GLRA3: variants seen among roughly 807,000 people sequenced by gnomAD.
GLRA3 encodes the protein glycine receptor subunit alpha-3.
In GLRA3, 44 loss-of-function variants were observed where a neutral mutation model predicts 60.4. That is an observed-to-expected ratio of 0.73 (90% CI 0.57 to 0.94). The LOEUF is 0.94. Among genes scored for constraint, GLRA3 ranks in the 40% least tolerant of loss-of-function variants. GLRA3 has a pLI of 0.00. For synonymous variants in GLRA3, 223 were observed against 192.9 expected, an observed-to-expected ratio of 1.16 and a Z score of -1.29; for missense variants, 508 against 564.6, an observed-to-expected ratio of 0.90 and a Z score of 1.02.
intron 1 of GLRA3, among the ~76,000 whole-genome samples, chr4:174,805,125 T>C (rs2111351917): frequency 6.6e-6 from 1 of 152,250 alleles, no homozygotes; most frequent in East Asian, 1.9e-4. Context: ...AAAAAAGAAA[T>C]GATTTGGGAG....
At chr4:174,803,751 A>G (rs764677625) in intron 1 of GLRA3, among the ~76,000 whole-genome samples, 1 of 152,152 alleles carries the variant, frequency 6.6e-6, no homozygotes, top group Non-Finnish European at 1.5e-5. Context: ...TATGTAAAAG[A>G]GCGCTGAATG....
Position 174,766,970 on chromosome 4 carries a change from GTC to G in GLRA3, c.258_259del (p.Glu86AspfsTer17). The G allele has an allele frequency of 6.4e-7, 1 of 1,568,194 alleles. No individual in the cohort carries two copies. On this transcript the variant is annotated frameshift_variant, in exon 3 of 10. Coordinates refer to ENST00000274093, the MANE Select transcript of GLRA3 (RefSeq NM_006529.4). LOFTEE classifies it high-confidence loss of function. The stretch of plus-strand genomic sequence containing the variant: ...GCAAAGTAAAATGCCTACCATGGTC[GTC>G]TCTGCGATAGAGCCAAAGCTGTTGA...
chr4:174,666,938 C>A (rs2110917451), intron 7 of GLRA3, among the ~76,000 whole-genome samples: 1 of 151,722 alleles, frequency 6.6e-6, no homozygotes, highest in East Asian at 1.9e-4. Flanking sequence ...AGGGAGGATT[C>A]AAGCTAGGAT....
At chr4:174,746,722 T>C (rs1737266304) in intron 3 of GLRA3, among the ~76,000 whole-genome samples, 2 of 152,170 alleles carry the variant, frequency 1.3e-5, no homozygotes, top group Admixed American at 1.3e-4. Flanking sequence ...ATATTTCTGA[T>C]ACCAATACAT....
rs764904885 is a variant in GLRA3, at chr4:174,643,914, C to T, written c.1267G>A (p.Asp423Asn). ...ATGGTATCAATCTTCTTGGCCCGGT[C>T]GATAAAGACCTTCCTCATTTCATCA... is the stretch of plus-strand genomic sequence containing the variant. ...SPDEMRKVFI[D>N]RAKKIDTISR... Residue 423 changes from aspartate to asparagine, a missense_variant, in exon 10 of 10, where the codon GAC becomes AAC. By Grantham distance (23) the Asp-to-Asn change is conservative. Around this residue, in one of 3 missense-constraint regions of GLRA3, gnomAD observed 176 missense variants for 197.9 expected, o/e 0.89. Transcript: ENST00000274093. 9.3e-6 allele frequency: 15 copies of T among 1,613,880 alleles called. No individual in the cohort carries two copies. Among genetic ancestry groups the T allele is most frequent in the African/African-American group, 5.3e-5 (4 of 74,878 alleles).
chr4:174,783,850 G>A (rs549383714), intron 2 of GLRA3, among the ~76,000 whole-genome samples: 1 of 152,090 alleles, frequency 6.6e-6, no homozygotes, highest in Non-Finnish European at 1.5e-5. Flanking sequence ...GGAGGAATAG[G>A]AACACTTTTA....
intron 5 of GLRA3, among the ~76,000 whole-genome samples, chr4:174,697,137 A>G (rs1735091112): frequency 6.6e-6 from 1 of 152,216 alleles, no homozygotes; most frequent in Admixed American, 6.5e-5. Context: ...TAAAAGAAGC[A>G]CTTATTCAAA....
At chr4:174,772,318 C>T (rs1363200234) in intron 2 of GLRA3, among the ~76,000 whole-genome samples, 5 of 152,132 alleles carry the variant, frequency 3.3e-5, no homozygotes, top group Non-Finnish European at 7.4e-5. Context: ...GAAAAGTTGC[C>T]TGGCTTCAAA....
chr4:174,804,848 T>C (rs1739970369), intron 1 of GLRA3, among the ~76,000 whole-genome samples: 1 of 152,164 alleles, frequency 6.6e-6, no homozygotes, highest in Admixed American at 6.6e-5. Flanking sequence ...TCAGACCAGG[T>C]GTGCCATTTG....
intron 1 of GLRA3, among the ~76,000 whole-genome samples, chr4:174,814,365 C>T (rs1365673745): frequency 6.6e-6 from 1 of 152,110 alleles, no homozygotes; most frequent in African/African-American, 2.4e-5. Context: ...GTTTGGCCAT[C>T]CCTGAGCGAA....
At chr4:174,811,870 A>G (rs1740288865) in intron 1 of GLRA3, among the ~76,000 whole-genome samples, 4 of 152,162 alleles carry the variant, frequency 2.6e-5, no homozygotes, top group Admixed American at 2.6e-4. Context: ...GCATGATTTC[A>G]GGTACATTTT....
At chr4:174,736,856 A>G (rs1201318851) in intron 3 of GLRA3, among the ~76,000 whole-genome samples, 1 of 152,210 alleles carries the variant, frequency 6.6e-6, no homozygotes, top group Admixed American at 6.5e-5. Flanking sequence ...ATAAAATATG[A>G]AAACAATAGC....
chr4:174,689,756 TAAA>T (rs553306775), intron 5 of GLRA3, among the ~76,000 whole-genome samples: 1,002 of 39,402 alleles, frequency 0.025, 32 homozygotes, highest in African/African-American at 0.059. Flanking sequence ...TAAGTCGCAT[TAAA>T]AAAAAAAAAA....
chr4:174,790,854 A>AAAAAAAAAAAG, intron 1 of GLRA3, among the ~76,000 whole-genome samples: 1 of 149,152 alleles, frequency 6.7e-6, no homozygotes, highest in Non-Finnish European at 1.5e-5. Flanking sequence ...AAAGAAAGAA[A>AAAAAAAAAAAG]TTAGCCGGGC....
chr4:174,640,915 A>T lies in GLRA3; in HGVS notation c.*2871T>A, dbSNP rs1190500676. The T allele has an allele frequency of 6.6e-6, 1 of 152,038 alleles. No individual in the cohort carries two copies. Among genetic ancestry groups the T allele is most frequent in the Non-Finnish European group, 1.5e-5 (1 of 67,960 alleles). 9.4% of individuals were successfully genotyped at this position (152,038 alleles called of 1,614,324 possible). ...TTTGGAAGGGTTGGAGAAGTTTTAA[A>T]CACCCTCAGCTTTCTTGAAAATACA... On this transcript the variant is annotated 3_prime_UTR_variant, in exon 10 of 10. Coordinates refer to ENST00000274093, the MANE Select transcript of GLRA3 (RefSeq NM_006529.4).
At chr4:174,827,418 A>G (rs531064006) in intron 1 of GLRA3, among the ~76,000 whole-genome samples, 71 of 151,828 alleles carry the variant, frequency 4.7e-4, no homozygotes, top group African/African-American at 1.6e-3. Context: ...AATGTATTTT[A>G]CCATCTAAGC....
chr4:174,798,695 C>G (rs374436310), intron 1 of GLRA3, among the ~76,000 whole-genome samples: 3 of 152,132 alleles, frequency 2.0e-5, no homozygotes, highest in Non-Finnish European at 2.9e-5. Flanking sequence ...GAGGCCAAGG[C>G]GGGCGGATCA....
chr4:174,643,997 T>C lies in GLRA3; in HGVS notation c.1184A>G (p.Lys395Arg), dbSNP rs1414108142. 6.2e-7 allele frequency: 1 copy of C among 1,613,962 alleles called. No homozygotes were observed. Among genetic ancestry groups the C allele is most frequent in the African/African-American group, 1.3e-5 (1 of 75,022 alleles). ...GGGGCCCTTTGGAGTCATGCCATCC[T>C]TTGCTTGTAGACATGGTCCCATTCC... Reference protein sequence around the residue: ...AYGMGPCLQAKDGMTPKGPNH... With the variant: ...AYGMGPCLQARDGMTPKGPNH... Residue 395 changes from lysine (K) to arginine (R), a missense_variant, in exon 10 of 10, where the codon AAG (lysine) becomes AGG (arginine). Around this residue, in one of 3 missense-constraint regions of GLRA3, gnomAD observed 176 missense variants for 197.9 expected, o/e 0.89. Coordinates refer to ENST00000274093, the MANE Select transcript of GLRA3 (RefSeq NM_006529.4).
At chr4:174,783,386 T>C (rs554006121) in intron 2 of GLRA3, among the ~76,000 whole-genome samples, 35 of 132,676 alleles carry the variant, frequency 2.6e-4, no homozygotes, top group Non-Finnish European at 5.1e-4. Context: ...ACCTAGGCAT[T>C]ACCATTCAGG....
Sources: gnomAD v4.1 joint callset for allele counts (sites outside exome capture counted in the v4.1 genomes callset) on GRCh38, gnomAD v4.1.1 for gene constraint, gnomAD v4.1.1 regional missense constraint, MANE v1.5 for transcripts, NCBI Gene and HGNC (gene_info 2026-07-23, HGNC 2026-07-21) for gene names.